The following ITGA9 variants were observed in gnomAD, a reference collection of about 807,000 sequenced individuals.
ITGA9 encodes integrin alpha-9.
ITGA9 carries 56 observed loss-of-function variants against 127.8 expected under a neutral mutation model. That is an observed-to-expected ratio of 0.44 (90% CI 0.35 to 0.55). ITGA9 has a LOEUF of 0.55. Among genes scored for constraint, ITGA9 ranks in the 20% least tolerant of loss-of-function variants. ITGA9 has a pLI of 0.00. For synonymous variants in ITGA9, 508 were observed against 514.5 expected, an observed-to-expected ratio of 0.99 and a Z score of 0.17; for missense variants, 1,196 against 1,347.1, an observed-to-expected ratio of 0.89 and a Z score of 1.76.
chr3:37,753,417 CA>C (rs1696613428), intron 23 of ITGA9, among the ~76,000 whole-genome samples: 1 of 152,208 alleles, frequency 6.6e-6, no homozygotes, highest in Non-Finnish European at 1.5e-5. Context: ...CAGTGCTTCA[CA>C]AAGGAACCTC....
chr3:37,655,646 C>T (rs1559559493), intron 17 of ITGA9, among the ~76,000 whole-genome samples: 1 of 152,136 alleles, frequency 6.6e-6, no homozygotes, highest in Non-Finnish European at 1.5e-5. Context: ...TGTAGGTTGC[C>T]TGTTCACTCT....
At chr3:37,511,964 C>CTTTCT (rs530231188) in intron 8 of ITGA9, among the ~76,000 whole-genome samples, 23 of 88,206 alleles carry the variant, frequency 2.6e-4, no homozygotes, top group East Asian at 6.5e-4. Context: ...TGCTTTTTCT[C>CTTTCT]TTTCTTTTCT....
At chr3:37,774,253 G>T (rs1376611075) in intron 23 of ITGA9, among the ~76,000 whole-genome samples, 1 of 152,098 alleles carries the variant, frequency 6.6e-6, no homozygotes, top group Non-Finnish European at 1.5e-5. Flanking sequence ...TTCAACAATT[G>T]AACCCAAGGA....
intron 15 of ITGA9, among the ~76,000 whole-genome samples, chr3:37,587,214 A>G (rs2886014): frequency 0.64 from 96,608 of 151,512 alleles, 31,124 homozygotes; most frequent in East Asian, 0.73. Flanking sequence ...ATGCCCCAGG[A>G]CAGAGATTAG....
At position 37,683,927 on chromosome 3, in the gene ITGA9, C is replaced by G. The variant is rs376677064; in HGVS notation, c.1979C>G (p.Ser660Cys). 1.2e-6 allele frequency: 2 copies of G among 1,613,866 alleles called. No homozygotes were observed. Among genetic ancestry groups the G allele is most frequent in the Non-Finnish European group, 1.7e-6 (2 of 1,179,846 alleles). The change falls in exon 18 of 28, where the codon TCT (serine) becomes TGT (cysteine). Residue 660 changes from serine to cysteine, a missense_variant. By Grantham distance (112) the Ser-to-Cys change is moderately radical (BLOSUM62 -1). Coordinates refer to ENST00000264741, the MANE Select transcript of ITGA9 (RefSeq NM_002207.3). ...GAVKNISLNISISNLGDDAYD... is the reference protein window; with the variant it reads ...GAVKNISLNICISNLGDDAYD... The stretch of plus-strand genomic sequence containing the variant: ...GTGAAGAACATCTCCCTAAACATCT[C>G]TATCTCCAACCTCGGAGATGATGCC...
chr3:37,749,632 C>T (rs1275175032), intron 22 of ITGA9: 6 of 152,236 alleles, frequency 3.9e-5, no homozygotes, highest in Non-Finnish European at 7.3e-5. Flanking sequence ...TGACCTCCAT[C>T]TTTTTCCTCA....
intron 18 of ITGA9, among the ~76,000 whole-genome samples, chr3:37,726,395 T>G (rs1696201704): frequency 6.6e-6 from 1 of 152,194 alleles, no homozygotes; most frequent in Admixed American, 6.5e-5. Context: ...GCATTGAGCA[T>G]AAGCAGGTCA....
At chr3:37,474,365 T>A (rs1226097189) in intron 3 of ITGA9, among the ~76,000 whole-genome samples, 1 of 152,224 alleles carries the variant, frequency 6.6e-6, no homozygotes, top group Non-Finnish European at 1.5e-5. Context: ...GGCTACTCTA[T>A]TGGAAAGCAG....
chr3:37,653,818 G>C (rs1246246773), intron 17 of ITGA9, 28 bp downstream of exon 17: 6 of 1,555,138 alleles, frequency 3.9e-6, no homozygotes, highest in Non-Finnish European at 3.6e-6. Flanking sequence ...TCAGAGCATT[G>C]TTCTCAGGCT....
rs575760101 is a variant in ITGA9 at position 37,561,828 on chromosome 3, G to A, written c.1689+19243G>A. On this transcript the variant is annotated intron_variant, in intron 15 of 27. Transcript: ENST00000264741. ...GAGGTGGCCCACAGTTCATGCACAG[G>A]CTCGAGTACAAGCCTTCCGGGGACT... is the stretch of plus-strand genomic sequence containing the variant. 4.6e-5 allele frequency among the ~76,000 whole-genome samples: 7 copies of A among 152,290 alleles called. No homozygotes were observed. In the East Asian group the frequency reaches 1.3e-3, roughly 29 times the overall value.
chr3:37,491,087 C>T (rs969962961), intron 4 of ITGA9, among the ~76,000 whole-genome samples: 2 of 151,812 alleles, frequency 1.3e-5, no homozygotes. Flanking sequence ...AGCCATCCTC[C>T]CACCTCAGCC....
chr3:37,481,027 C>T (rs982525763), intron 3 of ITGA9, among the ~76,000 whole-genome samples: 2 of 152,190 alleles, frequency 1.3e-5, no homozygotes, highest in Non-Finnish European at 2.9e-5. Flanking sequence ...GATCTTATCT[C>T]CTTCCCACCA....
chr3:37,548,285 G>A (rs763269593), intron 15 of ITGA9, among the ~76,000 whole-genome samples: 9 of 152,240 alleles, frequency 5.9e-5, no homozygotes, highest in Admixed American at 3.3e-4. Flanking sequence ...GGTTTTCAGC[G>A]GCCAGGGTTT....
At chr3:37,697,869 C>T (rs1335571355) in intron 18 of ITGA9, among the ~76,000 whole-genome samples, 1 of 152,168 alleles carries the variant, frequency 6.6e-6, no homozygotes, top group Non-Finnish European at 1.5e-5. Context: ...ATGGCTGGGT[C>T]AAATGGTGTT....
chr3:37,568,429 A>G (rs1559538814), intron 15 of ITGA9, among the ~76,000 whole-genome samples: 1 of 152,196 alleles, frequency 6.6e-6, no homozygotes. Context: ...GGCGATTAAC[A>G]TTTGGCTCCT....
At chr3:37,781,782 G>A (rs1227243060) in intron 25 of ITGA9, among the ~76,000 whole-genome samples, 1 of 152,226 alleles carries the variant, frequency 6.6e-6, no homozygotes, top group Non-Finnish European at 1.5e-5. Context: ...AAGTCATTCT[G>A]TGGTTATTTT....
intron 15 of ITGA9, among the ~76,000 whole-genome samples, chr3:37,600,492 G>T (rs754230558): frequency 6.6e-6 from 1 of 152,114 alleles, no homozygotes; most frequent in Admixed American, 6.5e-5. Flanking sequence ...TTCCAAGCAG[G>T]CCCGGAGAAG....
At chr3:37,520,955 G>A (rs1261099705) in intron 11 of ITGA9, among the ~76,000 whole-genome samples, 1 of 152,222 alleles carries the variant, frequency 6.6e-6, no homozygotes, top group Non-Finnish European at 1.5e-5. Context: ...CCAGTGTTTT[G>A]TTTGGTTGCT....
intron 17 of ITGA9, among the ~76,000 whole-genome samples, chr3:37,672,627 A>T (rs1700647980): frequency 6.6e-6 from 1 of 152,170 alleles, no homozygotes; most frequent in Non-Finnish European, 1.5e-5. Flanking sequence ...AACAGAAGAA[A>T]GCGTATCATA....
Sources: gnomAD v4.1 joint callset for allele counts (sites outside exome capture counted in the v4.1 genomes callset) on GRCh38, gnomAD v4.1.1 for gene constraint, MANE v1.5 for transcripts, NCBI Gene and HGNC (gene_info 2026-07-23, HGNC 2026-07-21) for gene names.